The following PPM1H variants were observed in gnomAD, a reference collection of about 807,000 sequenced individuals.
PPM1H encodes the protein protein phosphatase, Mg2+/Mn2+ dependent 1H, also known as protein phosphatase 1H.
Under a neutral mutation model 54.9 loss-of-function variants are expected in PPM1H, and 27 were observed. That is an observed-to-expected ratio of 0.49 (90% confidence interval 0.36 to 0.68). PPM1H has a LOEUF of 0.68. Ranked by LOEUF, PPM1H falls within the 30% of genes least tolerant of loss-of-function variation. PPM1H has a pLI of 0.00. For synonymous variants in PPM1H, 305 were observed against 270.8 expected (o/e 1.13, Z -1.24); for missense variants, 596 against 667.8 (o/e 0.89, Z 1.19).
intron 1 of PPM1H, among the ~76,000 whole-genome samples, chr12:62,855,321 A>G (rs753698353): frequency 2.0e-5 from 3 of 152,196 alleles, no homozygotes; most frequent in Admixed American, 6.5e-5. Flanking sequence ...GGAAACTGAC[A>G]TAGATATCAG....
chr12:62,802,050 C>T lies in PPM1H; in HGVS notation c.522G>A (p.Leu174=), dbSNP rs1425871953. ...TCTTCAGGATGTCCACGATGTCCTG[C>T]AGCTGCTCCGTGATGTGGTGCTGCA... The part of the protein sequence containing the change: ...RLLQHHITEQ[L]QDIVDILKNS... The change falls in exon 3 of 10, where the codon CTG becomes CTA. Residue 174 remains leucine, a synonymous_variant. Transcript: ENST00000228705. 2 of 1,613,302 alleles carry T rather than the reference C, an allele frequency of 1.2e-6. No individual in the cohort carries two copies. The highest frequency in any genetic ancestry group is 2.7e-5 in the African/African-American group (2 of 74,928).
chr12:62,757,258 T>A (rs1226209290), intron 4 of PPM1H, among the ~76,000 whole-genome samples: 1 of 151,972 alleles, frequency 6.6e-6, no homozygotes, highest in Non-Finnish European at 1.5e-5. Flanking sequence ...AAATCAGGAG[T>A]GTGATTTTTG....
At position 62,862,121 on chromosome 12, in the gene PPM1H, T is replaced by C. The variant is rs183630413; in HGVS notation, c.246-29842A>G. Among the ~76,000 whole-genome samples, 282 of 152,224 alleles carry C rather than the reference T, an allele frequency of 1.9e-3. 1 individual carries two copies. The highest frequency in any genetic ancestry group is 6.4e-3 in the African/African-American group (264 of 41,520). ...GCCCTAGAGTTTTCTACCTGGAAAATTGTGCAGAGAGCAAAGATCATGACA... is the reference window on the plus strand; with the variant it reads ...GCCCTAGAGTTTTCTACCTGGAAAACTGTGCAGAGAGCAAAGATCATGACA... On this transcript the variant is annotated intron_variant, in intron 1 of 9. Coordinates refer to ENST00000228705, the MANE Select transcript of PPM1H (RefSeq NM_020700.2).
At chr12:62,871,206 A>G (rs942317555) in intron 1 of PPM1H, among the ~76,000 whole-genome samples, 29 of 152,356 alleles carry the variant, frequency 1.9e-4, no homozygotes, top group African/African-American at 6.7e-4. Context: ...AATATTATTC[A>G]GCCATAAAAA....
At chr12:62,687,175 T>G (rs1355422310) in intron 8 of PPM1H, among the ~76,000 whole-genome samples, 1 of 152,262 alleles carries the variant, frequency 6.6e-6, no homozygotes, top group Non-Finnish European at 1.5e-5. Flanking sequence ...GTGGAGGCTT[T>G]GCAGGGCTGC....
chr12:62,680,141 G>A (rs2076010843), intron 8 of PPM1H, among the ~76,000 whole-genome samples: 1 of 152,126 alleles, frequency 6.6e-6, no homozygotes, highest in African/African-American at 2.4e-5. Context: ...ATGATGTTCT[G>A]GGACTTCTTA....
intron 6 of PPM1H, among the ~76,000 whole-genome samples, chr12:62,712,790 G>C (rs1035267627): frequency 1.3e-5 from 2 of 152,092 alleles, no homozygotes; most frequent in African/African-American, 4.8e-5. Flanking sequence ...TTTAAAAACC[G>C]CCTTGGGATC....
In PPM1H at chr12:62,688,068, G is replaced by C. The variant is rs141301037; in HGVS notation, c.1245+1631C>G. ...TTACACATTGTAGTAAATGCTATTG[G>C]TTCCTGACTTATGCCTTCCTGATTT... is the stretch of plus-strand genomic sequence containing the variant. On this transcript the variant is annotated intron_variant, in intron 8 of 9. Coordinates refer to ENST00000228705, the MANE Select transcript of PPM1H (RefSeq NM_020700.2). Among the ~76,000 whole-genome samples the C allele has an allele frequency of 7.1e-3, 1,083 of 151,866 alleles. 4 individuals carry two copies. The highest frequency in any genetic ancestry group is 0.011 in the Non-Finnish European group (774 of 67,944).
At chr12:62,684,259 T>C (rs1444920902) in intron 8 of PPM1H, among the ~76,000 whole-genome samples, 1 of 152,098 alleles carries the variant, frequency 6.6e-6, no homozygotes, top group African/African-American at 2.4e-5. Context: ...TGTGCTCGAC[T>C]GGTGGTGAGG....
At chr12:62,720,117 T>C (rs2076255404) in intron 6 of PPM1H, 54 bp downstream of exon 6, 4 of 1,427,906 alleles carry the variant, frequency 2.8e-6, no homozygotes, top group Admixed American at 3.4e-5. Context: ...ATGGTGGTGA[T>C]GCTTCCTTCA....
intron 4 of PPM1H, among the ~76,000 whole-genome samples, chr12:62,739,066 C>G (rs1303702539): frequency 2.0e-5 from 3 of 149,022 alleles, no homozygotes; most frequent in South Asian, 2.1e-4. Flanking sequence ...TTTTAGAGAA[C>G]TTATGACTCT....
At chr12:62,704,701 T>C (rs1284892344) in intron 6 of PPM1H, among the ~76,000 whole-genome samples, 1 of 152,198 alleles carries the variant, frequency 6.6e-6, no homozygotes. Context: ...GCCTAGCTTG[T>C]GCATACCTGG....
chr12:62,750,284 C>G (rs986274369), intron 4 of PPM1H, among the ~76,000 whole-genome samples: 1 of 152,232 alleles, frequency 6.6e-6, no homozygotes, highest in Non-Finnish European at 1.5e-5. Context: ...CTCCCCATCT[C>G]TCCTTCGTTC....
chr12:62,732,575 G>GT (rs752751007), intron 5 of PPM1H, among the ~76,000 whole-genome samples: 2,226 of 141,868 alleles, frequency 0.016, 31 homozygotes, highest in East Asian at 0.087. Flanking sequence ...TTTGTTTTCG[G>GT]TTTTTTTTTT....
rs564685785 is a variant in PPM1H, at chr12:62,896,592, A to G, written c.245+37900T>C. On this transcript the variant is annotated intron_variant, in intron 1 of 9. Coordinates refer to ENST00000228705, the MANE Select transcript of PPM1H (RefSeq NM_020700.2). ...TTAGAATGGAGATCGTTAAAAAGTCAGGAAACAACAGGTGCTGGAAAGGAT... is the reference window on the plus strand; with the variant it reads ...TTAGAATGGAGATCGTTAAAAAGTCGGGAAACAACAGGTGCTGGAAAGGAT... 2.0e-5 allele frequency among the ~76,000 whole-genome samples: 3 copies of G among 152,344 alleles called. No individual in the cohort carries two copies. The East Asian group carries it at 5.8e-4, about 29-fold the overall frequency.
intron 4 of PPM1H, among the ~76,000 whole-genome samples, chr12:62,787,049 C>G (rs1286131319): frequency 6.6e-6 from 1 of 152,172 alleles, no homozygotes; most frequent in Non-Finnish European, 1.5e-5. Context: ...TCCTTGTTCT[C>G]TGGGATCTTC....
chr12:62,698,183 C>T (rs2076124151), intron 6 of PPM1H, among the ~76,000 whole-genome samples: 1 of 152,012 alleles, frequency 6.6e-6, no homozygotes, highest in African/African-American at 2.4e-5. Flanking sequence ...GACAGCTGTA[C>T]CCCAAGTGTA....
At chr12:62,733,897 T>C (rs2076337103) in intron 5 of PPM1H, among the ~76,000 whole-genome samples, 1 of 152,196 alleles carries the variant, frequency 6.6e-6, no homozygotes, top group Non-Finnish European at 1.5e-5. Context: ...GAAATGGTTC[T>C]TAAATAAAAA....
At chr12:62,806,207 A>T (rs552130434) in intron 2 of PPM1H, among the ~76,000 whole-genome samples, 1 of 152,174 alleles carries the variant, frequency 6.6e-6, no homozygotes, top group East Asian at 1.9e-4. Flanking sequence ...CCATTAAATA[A>T]AATTTTTAGT....
Sources: allele counts gnomAD v4.1 joint callset (sites outside exome capture counted in the v4.1 genomes callset), GRCh38; gene constraint gnomAD v4.1.1; transcripts MANE v1.5; gene names NCBI Gene and HGNC (gene_info 2026-07-23, HGNC 2026-07-21).